ADCY9: variants seen among roughly 807,000 people sequenced by gnomAD.
ADCY9 encodes adenylate cyclase 9.
ADCY9 carries 50 observed loss-of-function variants against 101.5 expected under a neutral mutation model. The observed-to-expected ratio is 0.49, with a 90% CI of 0.39 to 0.62. ADCY9 has a LOEUF of 0.62. Ranked by LOEUF, ADCY9 falls within the 20% of genes least tolerant of loss-of-function variation. The pLI, the probability that ADCY9 is intolerant of heterozygous loss-of-function variation, is 0.00. For synonymous variants in ADCY9, 905 were observed against 769.3 expected (o/e 1.18, Z -2.92); for missense variants, 1,662 against 1,800.4 (o/e 0.92, Z 1.39).
chr16:4,093,885 C>A (rs1230293500), intron 2 of ADCY9, among the ~76,000 whole-genome samples: 1 of 152,196 alleles, frequency 6.6e-6, no homozygotes, highest in African/African-American at 2.4e-5. Flanking sequence ...GTGCTAAATG[C>A]AACAGAAGCC....
chr16:4,047,013 C>CA (rs1178196387), intron 2 of ADCY9, among the ~76,000 whole-genome samples: 2 of 148,978 alleles, frequency 1.3e-5, no homozygotes, highest in East Asian at 3.9e-4. Flanking sequence ...CAATCTAAAA[C>CA]AAAAAACAAA....
intron 2 of ADCY9, among the ~76,000 whole-genome samples, chr16:4,014,227 G>A (rs1309690131): frequency 1.3e-5 from 2 of 151,554 alleles, no homozygotes; most frequent in East Asian, 2.0e-4. Context: ...GTTGAGGCAG[G>A]AGAATTGCTT....
At chr16:4,037,853 C>T (rs1042495078) in intron 2 of ADCY9, among the ~76,000 whole-genome samples, 3 of 152,160 alleles carry the variant, frequency 2.0e-5, no homozygotes, top group African/African-American at 7.2e-5. Flanking sequence ...AGACGTGAGG[C>T]CTATCAGCTG....
intron 2 of ADCY9, among the ~76,000 whole-genome samples, chr16:4,015,060 C>A (rs2056429341): frequency 6.6e-6 from 1 of 150,844 alleles, no homozygotes; most frequent in Non-Finnish European, 1.5e-5. Context: ...CTGCCTCAGC[C>A]TCCCGAGCAG....
At chr16:4,051,573 T>A (rs765880142) in intron 2 of ADCY9, among the ~76,000 whole-genome samples, 1 of 150,216 alleles carries the variant, frequency 6.7e-6, no homozygotes, top group East Asian at 1.9e-4. Flanking sequence ...AAGAATGACA[T>A]GAACACATCA....
intron 2 of ADCY9, among the ~76,000 whole-genome samples, chr16:4,055,578 A>G (rs2056732329): frequency 6.6e-6 from 1 of 151,890 alleles, no homozygotes; most frequent in African/African-American, 2.4e-5. Context: ...TCACACCTAC[A>G]ATCCCAGCAC....
chr16:4,090,064 C>G (rs564779581), intron 2 of ADCY9, among the ~76,000 whole-genome samples: 212 of 152,266 alleles, frequency 1.4e-3, no homozygotes, highest in African/African-American at 4.9e-3. Flanking sequence ...AGCTGCCCTA[C>G]AGGCCATTCC....
intron 10 of ADCY9, among the ~76,000 whole-genome samples, chr16:3,972,610 G>A (rs891415394): frequency 3.3e-5 from 5 of 152,128 alleles, no homozygotes; most frequent in African/African-American, 1.2e-4. Context: ...AAAATACAGT[G>A]TAATCCGTTA....
At chr16:4,092,365 C>T (rs2056979057) in intron 2 of ADCY9, among the ~76,000 whole-genome samples, 1 of 152,184 alleles carries the variant, frequency 6.6e-6, no homozygotes. Context: ...TACAGTGACT[C>T]CTACCAGACG....
intron 2 of ADCY9, among the ~76,000 whole-genome samples, chr16:4,038,372 G>A (rs369361239): frequency 6.6e-5 from 10 of 152,004 alleles, no homozygotes; most frequent in African/African-American, 2.2e-4. Context: ...ACCCTAATAC[G>A]AGAGGGCTTA....
At chr16:4,078,045 C>A (rs1026850462) in intron 2 of ADCY9, among the ~76,000 whole-genome samples, 11 of 151,720 alleles carry the variant, frequency 7.3e-5, no homozygotes. Flanking sequence ...AATTAAGTGT[C>A]CAGTTACAAA....
At chr16:3,960,877 A>C (rs77301309), downstream of ADCY9, among the ~76,000 whole-genome samples, 399 of 152,354 alleles carry the variant, frequency 2.6e-3, 3 homozygotes, top group South Asian at 4.1e-3. Flanking sequence ...GAAGATTTTA[A>C]ATGTACATGT....
At chr16:4,108,394 G>A (rs947860035) in intron 2 of ADCY9, among the ~76,000 whole-genome samples, 4 of 62,936 alleles carry the variant, frequency 6.4e-5, no homozygotes, top group South Asian at 6.3e-4. Context: ...TTTTTTTGGC[G>A]ACAAAGTCTC....
chr16:4,075,764 G>A (rs1172910232), intron 2 of ADCY9, among the ~76,000 whole-genome samples: 1 of 152,144 alleles, frequency 6.6e-6, no homozygotes, highest in Non-Finnish European at 1.5e-5. Flanking sequence ...CCAGGCGGGA[G>A]GGCTCAGGAA....
chr16:4,067,920 A>G (rs2056810446), intron 2 of ADCY9, among the ~76,000 whole-genome samples: 1 of 152,278 alleles, frequency 6.6e-6, no homozygotes, highest in Middle Eastern at 3.4e-3. Flanking sequence ...TTGGTGAAAA[A>G]CTGCAACATA....
Position 3,992,387 on chromosome 16 carries a change from A to G in ADCY9, c.1990-24T>C, listed in dbSNP as rs1352117577. ...GCCTGCCTCGAGACAAAGAGGACGC[A>G]GACACGGGAAGTGAAGTGGCACCGG... is the stretch of plus-strand genomic sequence containing the variant. On this transcript the variant is annotated intron_variant, in intron 4 of 10. Transcript: ENST00000294016. The surrounding 1 kb of genome is among the most constrained non-coding windows in gnomAD (Gnocchi z 4.2). The G allele has an allele frequency of 1.9e-6, 3 of 1,607,552 alleles. No homozygotes were observed. Among genetic ancestry groups the G allele is most frequent in the African/African-American group, 2.7e-5 (2 of 74,744 alleles).
intron 6 of ADCY9, among the ~76,000 whole-genome samples, chr16:3,984,323 G>A (rs2056172295): frequency 6.6e-6 from 1 of 152,190 alleles, no homozygotes; most frequent in African/African-American, 2.4e-5. Context: ...GGATTTAAGT[G>A]GCACATCATC....
At chr16:3,953,461 C>T (rs2055892196) in exon 6 of ADCY9, 1 of 152,104 alleles carries the variant, frequency 6.6e-6, no homozygotes, top group Admixed American at 6.6e-5. Flanking sequence ...CGGCAACTCT[C>T]TTCCTGTGAA....
chr16:4,113,678 G>C, intron 2 of ADCY9, 72 bp downstream of exon 2: 1 of 1,520,480 alleles, frequency 6.6e-7, no homozygotes, highest in Non-Finnish European at 8.8e-7. Context: ...ACTGAGGCTG[G>C]AAGCTTTTTT....
Sources: allele counts gnomAD v4.1 joint callset (sites outside exome capture counted in the v4.1 genomes callset), GRCh38; gene constraint gnomAD v4.1.1; non-coding constraint Gnocchi (gnomAD v3.1); transcripts MANE v1.5; gene names NCBI Gene and HGNC (gene_info 2026-07-23, HGNC 2026-07-21).